Variants in TACC1 observed in about 807,000 individuals in gnomAD.
TACC1 encodes transforming acidic coiled-coil-containing protein 1.
A neutral mutation model predicts 84.4 loss-of-function variants in TACC1; 48 were observed. The ratio of observed to expected loss-of-function variants is 0.57; its 90% CI spans 0.45 to 0.72. The LOEUF (loss-of-function observed/expected upper bound fraction) is 0.72. TACC1 is among the 30% of genes least tolerant of loss of function. The pLI is 0.00. For synonymous variants in TACC1, 372 were observed against 376.3 expected, an observed-to-expected ratio of 0.99 and a Z score of 0.13; for missense variants, 920 against 973.0, an observed-to-expected ratio of 0.95 and a Z score of 0.72.
In TACC1 at chr8:38,820,071, G is replaced by A. The variant is rs1826355935; in HGVS notation, c.827G>A (p.Ser276Asn). Residue 276 changes from serine (S) to asparagine (N), a missense_variant, in exon 3 of 13, where the codon AGT becomes AAT. Ser to Asn is a conservative substitution (Grantham distance 46, BLOSUM62 1). This residue lies in a region of TACC1 where 762 missense variants were observed against 747.3 expected (regional missense o/e 1.02). Coordinates refer to ENST00000317827, the MANE Select transcript of TACC1 (RefSeq NM_006283.3). ...CCTGAAGAGTTGGATGAGAACACAAGTCCTTTGCTAGGAGATGCCAGGTTC... is the reference window on the plus strand; with the variant it reads ...CCTGAAGAGTTGGATGAGAACACAAATCCTTTGCTAGGAGATGCCAGGTTC... The part of the protein sequence containing the change: ...FSPEELDENT[S>N]PLLGDARFQK... The A allele has an allele frequency of 6.2e-7, 1 of 1,614,056 alleles. No individual in the cohort carries two copies. Among genetic ancestry groups the A allele is most frequent in the Admixed American group, 1.7e-5 (1 of 60,004 alleles).
At chr8:38,744,305 G>A (rs1020814091) in intron 2 of TACC1, among the ~76,000 whole-genome samples, 1 of 151,834 alleles carries the variant, frequency 6.6e-6, no homozygotes, top group Non-Finnish European at 1.5e-5. Flanking sequence ...TAGTAGAGAC[G>A]GGGATTCACC....
chr8:38,815,220 C>G (rs972923964), intron 2 of TACC1, among the ~76,000 whole-genome samples: 9 of 152,290 alleles, frequency 5.9e-5, no homozygotes, highest in Non-Finnish European at 7.3e-5. Context: ...TGTGGTACAA[C>G]TGAGAGATGC....
rs889545392 is a variant in TACC1 at position 38,851,748 on chromosome 8, C to T, written c.*3725C>T. Reference sequence around the variant, plus strand: ...CTAGGTTTTGAAAGATTACATGATTCAAGCGAGGGATTTTAAAGTAAAGAT... The same window carrying T: ...CTAGGTTTTGAAAGATTACATGATTTAAGCGAGGGATTTTAAAGTAAAGAT... On this transcript the variant is annotated 3_prime_UTR_variant, in exon 13 of 13. Transcript: ENST00000317827. 1 of 330,058 alleles carries T rather than the reference C, an allele frequency of 3.0e-6. No individual in the cohort carries two copies. The highest frequency in any genetic ancestry group is 2.2e-5 in the African/African-American group (1 of 46,354). The allele number at this position is 330,058 out of a possible 1,614,324, so 20.4% of individuals were successfully genotyped here. A position where few individuals can be genotyped will look rare whatever the true frequency, so the allele number is the denominator to read the frequency against.
Position 38,739,758 on chromosome 8 carries a change from C to T in TACC1, c.-674-2593C>T, listed in dbSNP as rs374288158. On this transcript the variant is annotated intron_variant, in intron 1 of 14. Transcript: ENST00000518415. Reference sequence around the variant, plus strand: ...AACAGTTTCACACCCTAAAAATCCCCTGTGGTTCACCTATTAAGACTTACT... The same window carrying T: ...AACAGTTTCACACCCTAAAAATCCCTTGTGGTTCACCTATTAAGACTTACT... 3.5e-4 allele frequency among the ~76,000 whole-genome samples: 54 copies of T among 152,328 alleles called. 1 individual carries two copies. The South Asian group carries it at 9.7e-3, about 27-fold the overall frequency.
intron 2 of TACC1, among the ~76,000 whole-genome samples, chr8:38,815,670 C>T (rs1486749564): frequency 6.6e-6 from 1 of 152,078 alleles, no homozygotes; most frequent in South Asian, 2.1e-4. Flanking sequence ...CTGCCCGCCT[C>T]GGCCTCCCAA....
chr8:38,822,228 G>A (rs1480064211), intron 3 of TACC1, among the ~76,000 whole-genome samples: 1 of 126,518 alleles, frequency 7.9e-6, no homozygotes, highest in Non-Finnish European at 1.6e-5. Context: ...CTGGCTGGCA[G>A]AGCAAGACCC....
intron 1 of TACC1, among the ~76,000 whole-genome samples, chr8:38,730,671 A>G (rs1284342745): frequency 6.6e-6 from 1 of 152,222 alleles, no homozygotes. Flanking sequence ...AGTCTGAGCC[A>G]TACTGCCTTG....
Position 38,820,078 on chromosome 8 carries a change from G to T in TACC1, c.834G>T (p.Leu278Phe). 6.2e-7 allele frequency: 1 copy of T among 1,614,194 alleles called. No individual in the cohort carries two copies. The highest frequency in any genetic ancestry group is 8.5e-7 in the Non-Finnish European group (1 of 1,180,036). Reference protein sequence around the residue: ...PEELDENTSPLLGDARFQKSP... With the variant: ...PEELDENTSPFLGDARFQKSP... ...AGTTGGATGAGAACACAAGTCCTTT[G>T]CTAGGAGATGCCAGGTTCCAGAAGT... Residue 278 changes from leucine (L) to phenylalanine (F), a missense_variant, in exon 3 of 13, where the codon TTG becomes TTT. Transcript: ENST00000317827.
At chr8:38,833,875 A>C (rs1365735226) in intron 6 of TACC1, among the ~76,000 whole-genome samples, 1 of 152,180 alleles carries the variant, frequency 6.6e-6, no homozygotes, top group Non-Finnish European at 1.5e-5. Flanking sequence ...TGACCCATGA[A>C]ATGTTGTTAA....
At chr8:38,835,147 G>C (rs1198834856) in intron 6 of TACC1, among the ~76,000 whole-genome samples, 1 of 151,780 alleles carries the variant, frequency 6.6e-6, no homozygotes, top group Admixed American at 6.6e-5. Context: ...CCAGCTACTC[G>C]GGAGGCTGAG....
intron 5 of TACC1, among the ~76,000 whole-genome samples, chr8:38,830,440 A>G (rs552259079): frequency 1.3e-5 from 2 of 152,186 alleles, no homozygotes; most frequent in East Asian, 3.9e-4. Flanking sequence ...ACGCCCAGCT[A>G]ATTTTTGTAT....
chr8:38,815,935 C>T (rs1825334661), intron 2 of TACC1, among the ~76,000 whole-genome samples: 1 of 146,798 alleles, frequency 6.8e-6, no homozygotes, highest in Admixed American at 6.8e-5. Flanking sequence ...CAAGATCAGC[C>T]TAGGCAACGT....
chr8:38,788,748 C>G lies in TACC1; in HGVS notation c.206C>G (p.Pro69Arg). The G allele has an allele frequency of 6.2e-7, 1 of 1,614,016 alleles. No individual in the cohort carries two copies. Among genetic ancestry groups the G allele is most frequent in the South Asian group, 1.1e-5 (1 of 91,032 alleles). Residue 69 changes from proline (P) to arginine (R), a missense_variant, in exon 2 of 13, where the codon CCG becomes CGG. Pro to Arg is a moderately radical substitution (Grantham distance 103). This residue lies in a region of TACC1 where 762 missense variants were observed against 747.3 expected (regional missense o/e 1.02). Transcript: ENST00000317827. ...TTTGAGACTCCTGAAGCTGAAACCC[C>G]GATCCGATCACCTTTCAAGGAGTCC... is the stretch of plus-strand genomic sequence containing the variant. ...GNFETPEAET[P>R]IRSPFKESCD...
intron 3 of TACC1, among the ~76,000 whole-genome samples, chr8:38,759,272 G>T (rs537051499): frequency 6.6e-6 from 1 of 152,180 alleles, no homozygotes; most frequent in South Asian, 2.1e-4. Context: ...CTATTCTGAG[G>T]TTGACATAAA....
chr8:38,777,818 C>T (rs1205303208), intron 3 of TACC1, among the ~76,000 whole-genome samples: 1 of 152,122 alleles, frequency 6.6e-6, no homozygotes, highest in African/African-American at 2.4e-5. Flanking sequence ...AAAGACACTG[C>T]CCCAAATTTG....
chr8:38,799,776 C>T (rs1820921340), intron 2 of TACC1: 1 of 152,150 alleles, frequency 6.6e-6, no homozygotes, highest in Non-Finnish European at 1.5e-5. Context: ...TGGGCTTCCT[C>T]AAGAGAAATT....
At chr8:38,826,650 A>G (rs974995253) in intron 4 of TACC1, among the ~76,000 whole-genome samples, 2 of 152,182 alleles carry the variant, frequency 1.3e-5, no homozygotes, top group African/African-American at 4.8e-5. Flanking sequence ...TAGAGAGGAA[A>G]AGGAATAACA....
intron 2 of TACC1, among the ~76,000 whole-genome samples, chr8:38,798,991 TG>T (rs1373335673): frequency 1.3e-5 from 2 of 152,052 alleles, no homozygotes; most frequent in Non-Finnish European, 2.9e-5. Context: ...GACATGAAAC[TG>T]GGGGAAAAAA....
upstream of TACC1, among the ~76,000 whole-genome samples, chr8:38,782,994 T>C (rs940437704): frequency 6.6e-6 from 1 of 151,954 alleles, no homozygotes; most frequent in Non-Finnish European, 1.5e-5. Flanking sequence ...AATAAACATA[T>C]AGTCATGAAT....
Sources: allele counts gnomAD v4.1 joint callset (sites outside exome capture counted in the v4.1 genomes callset), GRCh38; gene constraint gnomAD v4.1.1; regional missense constraint gnomAD v4.1.1; transcripts MANE v1.5; gene names NCBI Gene and HGNC (gene_info 2026-07-23, HGNC 2026-07-21).